Variants in STOX1 observed in about 807,000 individuals in gnomAD.
The protein encoded by STOX1 is storkhead-box protein 1.
STOX1 carries 57 observed loss-of-function variants against 74.8 expected under a neutral mutation model. The observed-to-expected ratio is 0.76, with a 90% CI of 0.62 to 0.95. The LOEUF (loss-of-function observed/expected upper bound fraction) is 0.95, where lower values mean the gene tolerates loss of function less well. Ranked by LOEUF, STOX1 falls within the 40% of genes least tolerant of loss-of-function variation. The pLI is 0.00. For synonymous variants in STOX1, 375 were observed against 401.3 expected, an observed-to-expected ratio of 0.93 and a Z score of 0.78; for missense variants, 1,010 against 1,117.0, an observed-to-expected ratio of 0.90 and a Z score of 1.37.
At chr10:68,841,065 A>G (rs998788139) in intron 1 of STOX1, among the ~76,000 whole-genome samples, 1 of 151,648 alleles carries the variant, frequency 6.6e-6, no homozygotes, top group African/African-American at 2.4e-5. Flanking sequence ...CTCCTGCTTC[A>G]GCCTCCTGAG....
At chr10:68,881,821 C>T in intron 1 of STOX1, 137 bp from the exon 2 acceptor site, 2 of 967,522 alleles carry the variant, frequency 2.1e-6, no homozygotes, top group Admixed American at 3.9e-5. Context: ...GTCATGTTAA[C>T]AGATTCTGAG....
rs760801838 is a variant in STOX1 at position 68,879,849 on chromosome 10, A to G, written c.311-2109A>G. ...CCATAATGCTATTAAATATCCTACA[A>G]TGCACAGGGCAGCCTCCCACCGCAA... On this transcript the variant is annotated intron_variant, in intron 1 of 3. Coordinates refer to ENST00000298596, the MANE Select transcript of STOX1 (RefSeq NM_152709.5). Among the ~76,000 whole-genome samples the G allele has an allele frequency of 3.6e-4, 54 of 152,020 alleles. 1 individual carries two copies. The highest frequency in any genetic ancestry group is 1.5e-4 in the Non-Finnish European group (10 of 67,982).
intron 1 of STOX1, among the ~76,000 whole-genome samples, chr10:68,852,106 C>G (rs954218347): frequency 1.3e-5 from 2 of 151,948 alleles, no homozygotes; most frequent in Non-Finnish European, 2.9e-5. Flanking sequence ...CGCACTCCAG[C>G]CTGGGCGACA....
At position 68,886,221 on chromosome 10, in the gene STOX1, C is replaced by G. The variant is rs775770177; in HGVS notation, c.2425C>G (p.Pro809Ala). The G allele has an allele frequency of 6.2e-7, 1 of 1,614,142 alleles. No homozygotes were observed. Among genetic ancestry groups the G allele is most frequent in the Non-Finnish European group, 8.5e-7 (1 of 1,180,032 alleles). Residue 809 changes from proline to alanine, a missense_variant, in exon 3 of 4, where the codon CCA becomes GCA. By Grantham distance (27) the Pro-to-Ala change is conservative. Transcript: ENST00000298596. The part of the protein sequence containing the change: ...CYKPTGLHAT[P>A]GESQEPNLSA... ...CAAACCCACTGGGCTGCATGCTACC[C>G]CAGGTGAAAGCCAAGAACCTAACCT...
intron 1 of STOX1, chr10:68,846,756 G>T (rs893223868): frequency 1.3e-5 from 2 of 152,030 alleles, no homozygotes; most frequent in African/African-American, 2.4e-5. Flanking sequence ...GAATCAACTT[G>T]TCTATTTCTA....
At position 68,885,991 on chromosome 10, in the gene STOX1, G is replaced by A. The variant is rs774540006; in HGVS notation, c.2195G>A (p.Cys732Tyr). The change falls in exon 3 of 4, where the codon TGT becomes TAT. Residue 732 changes from cysteine to tyrosine, a missense_variant. By Grantham distance (194) the Cys-to-Tyr change is radical. Transcript: ENST00000298596. The stretch of plus-strand genomic sequence containing the variant: ...GAAGTGGAAGATGATGATGGTGCCT[G>A]TAGTTCATTATATCTAGAGGAGGAT... ...QNEVEDDDGA[C>Y]SSLYLEEDDI... is the part of the protein sequence containing the mutation. The A allele has an allele frequency of 3.0e-5, 49 of 1,614,094 alleles. No homozygotes were observed. Among genetic ancestry groups the A allele is most frequent in the Non-Finnish European group, 2.4e-5 (28 of 1,180,048 alleles).
At chr10:68,879,403 CTG>C (rs1435064501) in intron 1 of STOX1, among the ~76,000 whole-genome samples, 4 of 152,126 alleles carry the variant, frequency 2.6e-5, no homozygotes, top group African/African-American at 9.7e-5. Context: ...CTGCCACCCT[CTG>C]TATTATTTTC....
At chr10:68,877,467 T>C (rs1257366966) in intron 1 of STOX1, among the ~76,000 whole-genome samples, 1 of 152,210 alleles carries the variant, frequency 6.6e-6, no homozygotes, top group Non-Finnish European at 1.5e-5. Flanking sequence ...GAAGTAATTA[T>C]AGATTCACAG....
intron 1 of STOX1, among the ~76,000 whole-genome samples, chr10:68,844,864 T>C (rs1175870022): frequency 6.7e-6 from 1 of 149,542 alleles, no homozygotes; most frequent in African/African-American, 2.5e-5. Flanking sequence ...CCACTTTCAA[T>C]TGATTCTCCG....
At chr10:68,881,934 C>CT (rs780251661) in intron 1 of STOX1, 24 bp from the exon 2 acceptor site, 8 of 1,611,760 alleles carry the variant, frequency 5.0e-6, no homozygotes, top group East Asian at 2.2e-5. Context: ...CCCCCTCCCC[C>CT]TTTTTTTTAA....
chr10:68,885,265 A>C lies in STOX1; in HGVS notation c.1469A>C (p.Lys490Thr), dbSNP rs1840914745. Residue 490 changes from lysine (K) to threonine (T), a missense_variant, in exon 3 of 4, where the codon AAA becomes ACA. Physicochemically the swap from Lys to Thr is moderately conservative, Grantham distance 78. Coordinates refer to ENST00000298596, the MANE Select transcript of STOX1 (RefSeq NM_152709.5). ...GTGCTAGGTTCCCATTTGATTTACA[A>C]AAAGCGAATCAGTAATCCTTTCCAG... ...TTVLGSHLIYKKRISNPFQGL... is the reference protein window; with the variant it reads ...TTVLGSHLIYTKRISNPFQGL... 2 of 1,614,242 alleles carry C rather than the reference A, an allele frequency of 1.2e-6. No individual in the cohort carries two copies. The highest frequency in any genetic ancestry group is 1.7e-6 in the Non-Finnish European group (2 of 1,180,048).
rs1385560270 is a variant in STOX1, at chr10:68,886,322, A to G, written c.2526A>G (p.Lys842=). ...ACGAAGAAGAACCCAGTGTTGCTAAATGTGTACAGGCCTCAGCACCTGCTG... is the reference window on the plus strand; with the variant it reads ...ACGAAGAAGAACCCAGTGTTGCTAAGTGTGTACAGGCCTCAGCACCTGCTG... ...FNYEEEPSVA[K]CVQASAPADE... Residue 842 remains lysine, a synonymous_variant, in exon 3 of 4, where the codon AAA becomes AAG. Transcript: ENST00000298596. 5 of 1,614,180 alleles carry G rather than the reference A, an allele frequency of 3.1e-6. No homozygotes were observed. The East Asian group carries it at 6.7e-5, about 22-fold the overall frequency.
intron 1 of STOX1, among the ~76,000 whole-genome samples, chr10:68,873,763 G>A (rs1840606088): frequency 6.8e-6 from 1 of 146,540 alleles, no homozygotes; most frequent in African/African-American, 2.5e-5. Context: ...CAATTCTCCT[G>A]CCTCAGCCTC....
rs761028677 is a variant in STOX1 at position 68,892,651 on chromosome 10, T to C, written c.2885T>C (p.Phe962Ser). The change falls in exon 4 of 4, where the codon TTT becomes TCT. Residue 962 changes from phenylalanine (F) to serine (S), a missense_variant. By Grantham distance (155) the Phe-to-Ser change is radical. Transcript: ENST00000298596. The stretch of plus-strand genomic sequence containing the variant: ...GATGGACTAAAAAGAAGACAGAATT[T>C]TCTGCAAAATGTCGAAGGCACAAAG... ...ILDGLKRRQNFLQNVEGTKSS... is the reference protein window; with the variant it reads ...ILDGLKRRQNSLQNVEGTKSS... 1 of 1,613,660 alleles carries C rather than the reference T, an allele frequency of 6.2e-7. No individual in the cohort carries two copies. Among genetic ancestry groups the C allele is most frequent in the Non-Finnish European group, 8.5e-7 (1 of 1,179,776 alleles).
At chr10:68,834,997 T>TA (rs1385699740) in intron 1 of STOX1, among the ~76,000 whole-genome samples, 1 of 151,810 alleles carries the variant, frequency 6.6e-6, no homozygotes, top group Non-Finnish European at 1.5e-5. Flanking sequence ...GTGCTGGGCT[T>TA]ATAGGCGTGA....
At position 68,886,620 on chromosome 10, in the gene STOX1, T is replaced by C. The variant is rs768670417; in HGVS notation, c.2822+2T>C. On this transcript the variant is annotated splice_donor_variant, in intron 3 of 3. Transcript: ENST00000298596. LOFTEE classifies it high-confidence loss of function. ...AGATAGTGGAATAGATTCTCCACGGTAGGTCCATACAAAAGTGTCTGATTT... is the reference window on the plus strand; with the variant it reads ...AGATAGTGGAATAGATTCTCCACGGCAGGTCCATACAAAAGTGTCTGATTT... 28 of 1,613,714 alleles carry C rather than the reference T, an allele frequency of 1.7e-5. No homozygotes were observed. Among genetic ancestry groups the C allele is most frequent in the Non-Finnish European group, 2.3e-5 (27 of 1,179,880 alleles).
Position 68,885,612 on chromosome 10 carries a change from A to G in STOX1, c.1816A>G (p.Arg606Gly). The change falls in exon 3 of 4, where the codon AGA becomes GGA. Residue 606 changes from arginine (R) to glycine (G), a missense_variant. Coordinates refer to ENST00000298596, the MANE Select transcript of STOX1 (RefSeq NM_152709.5). The stretch of plus-strand genomic sequence containing the variant: ...CTGTCCCTTTATGGAAAGCATGTTG[A>G]GATATGAAGTGTATGGTGGAGAAAA... Reference protein sequence around the residue: ...KCCPFMESMLRYEVYGGENEV... With the variant: ...KCCPFMESMLGYEVYGGENEV... 1 of 1,614,204 alleles carries G rather than the reference A, an allele frequency of 6.2e-7. No homozygotes were observed. The highest frequency in any genetic ancestry group is 8.5e-7 in the Non-Finnish European group (1 of 1,180,040).
At chr10:68,828,325 T>A in intron 1 of STOX1, 2 of 1,045,984 alleles carry the variant, frequency 1.9e-6, no homozygotes, top group Non-Finnish European at 2.3e-6. Flanking sequence ...AGCGCGGAGC[T>A]CCGCGCTGCA....
intron 1 of STOX1, among the ~76,000 whole-genome samples, chr10:68,853,212 A>G (rs1446287918): frequency 6.6e-6 from 1 of 152,110 alleles, no homozygotes; most frequent in Non-Finnish European, 1.5e-5. Context: ...GGCGTGAGCC[A>G]CTGTGCCCGG....
Sources: gnomAD v4.1 joint callset for allele counts (sites outside exome capture counted in the v4.1 genomes callset) on GRCh38, gnomAD v4.1.1 for gene constraint, MANE v1.5 for transcripts, NCBI Gene and HGNC (gene_info 2026-07-23, HGNC 2026-07-21) for gene names.